The following SYN2 variants were observed in gnomAD, a reference collection of about 807,000 sequenced individuals.
SYN2 encodes synapsin II, also known as synapsin-2.
Under a neutral mutation model 50.9 loss-of-function variants are expected in SYN2, and 19 were observed. That is an observed-to-expected ratio of 0.37 (90% CI 0.26 to 0.55). The LOEUF (loss-of-function observed/expected upper bound fraction) is 0.55. Ranked by LOEUF, SYN2 falls within the 20% of genes least tolerant of loss-of-function variation. The pLI is 0.81. For synonymous variants in SYN2, 255 were observed against 224.9 expected, an observed-to-expected ratio of 1.13 and a Z score of -1.20; for missense variants, 587 against 576.4, an observed-to-expected ratio of 1.02 and a Z score of -0.19.
chr3:12,019,523 A>G (rs1694087524), intron 1 of SYN2, among the ~76,000 whole-genome samples: 1 of 152,158 alleles, frequency 6.6e-6, no homozygotes, highest in South Asian at 2.1e-4. Context: ...TGAAAAGTCT[A>G]CTCTTTGAAA....
In SYN2 at chr3:12,110,212, A is replaced by T. The variant is rs574949005; in HGVS notation, c.378-30439A>T. Among the ~76,000 whole-genome samples the T allele has an allele frequency of 8.5e-5, 13 of 152,292 alleles. No homozygotes were observed. In the South Asian group the frequency reaches 2.7e-3, roughly 32 times the overall value. Reference sequence around the variant, plus strand: ...AAAAACATAAAATGGTAATAATTGTAATACTTACTCTTAAAACTCCAAAAT... The same window carrying T: ...AAAAACATAAAATGGTAATAATTGTTATACTTACTCTTAAAACTCCAAAAT... On this transcript the variant is annotated intron_variant, in intron 1 of 12. Coordinates refer to ENST00000621198, the MANE Select transcript of SYN2 (RefSeq NM_133625.6).
chr3:12,050,959 T>C lies in SYN2; in HGVS notation c.377+46031T>C, dbSNP rs1006168223. On this transcript the variant is annotated intron_variant, in intron 1 of 12. Transcript: ENST00000621198. ...ACCTTGTTAGCCAGGATGGTCTCGA[T>C]CTCCTGACCTCATGATCCACCCGCC... Among the ~76,000 whole-genome samples the C allele has an allele frequency of 9.5e-5, 14 of 147,548 alleles. No homozygotes were observed. In the South Asian group the frequency reaches 3.0e-3, roughly 32 times the overall value.
intron 1 of SYN2, among the ~76,000 whole-genome samples, chr3:12,130,569 C>G (rs1696775014): frequency 6.6e-6 from 1 of 152,178 alleles, no homozygotes. Flanking sequence ...TCAGTCTACT[C>G]ATTCAAATGT....
chr3:12,049,922 GT>G (rs1354090537), intron 1 of SYN2, among the ~76,000 whole-genome samples: 2 of 152,126 alleles, frequency 1.3e-5, no homozygotes, highest in African/African-American at 2.4e-5. Flanking sequence ...AATCTCGACA[GT>G]TTTTGTTTGT....
chr3:12,048,467 C>T (rs192426900), intron 1 of SYN2, among the ~76,000 whole-genome samples: 338 of 152,334 alleles, frequency 2.2e-3, no homozygotes, highest in Non-Finnish European at 3.7e-3. Flanking sequence ...GGGTGACCCA[C>T]TGTGCCAGGC....
At chr3:12,130,182 G>A (rs1468674371) in intron 1 of SYN2, among the ~76,000 whole-genome samples, 5 of 151,156 alleles carry the variant, frequency 3.3e-5, no homozygotes, top group Non-Finnish European at 7.4e-5. Flanking sequence ...GTATACATAG[G>A]TATATGTGTG....
At chr3:12,116,489 A>G (rs1405004548) in intron 1 of SYN2, among the ~76,000 whole-genome samples, 2 of 152,202 alleles carry the variant, frequency 1.3e-5, no homozygotes, top group Non-Finnish European at 2.9e-5. Context: ...CTAGAGAGCT[A>G]TATCCTCAGA....
chr3:12,117,728 TCTC>T (rs752994281), intron 1 of SYN2, among the ~76,000 whole-genome samples: 2 of 152,200 alleles, frequency 1.3e-5, no homozygotes, highest in African/African-American at 2.4e-5. Flanking sequence ...TTTTAAATCT[TCTC>T]CTCTGTGTCT....
intron 5 of SYN2, chr3:12,158,761 C>A: frequency 6.2e-7 from 1 of 1,607,188 alleles, no homozygotes; most frequent in Non-Finnish European, 8.5e-7. Flanking sequence ...GCATGCCTCA[C>A]CCAGCCCCGG....
chr3:12,015,468 A>G (rs186118248), intron 1 of SYN2, among the ~76,000 whole-genome samples: 3 of 152,198 alleles, frequency 2.0e-5, no homozygotes, highest in Admixed American at 6.5e-5. Context: ...GAAAATATCA[A>G]TGATGAGCAA....
At chr3:12,125,399 T>A (rs1353975620) in intron 1 of SYN2, among the ~76,000 whole-genome samples, 1 of 152,202 alleles carries the variant, frequency 6.6e-6, no homozygotes, top group African/African-American at 2.4e-5. Flanking sequence ...ATTTATAACT[T>A]TGAAGAAATA....
At chr3:12,050,608 T>G (rs1352148503) in intron 1 of SYN2, among the ~76,000 whole-genome samples, 1 of 151,166 alleles carries the variant, frequency 6.6e-6, no homozygotes. Context: ...TCTCCCAAAG[T>G]GCTGGGATTA....
At position 12,096,964 on chromosome 3, in the gene SYN2, G is replaced by C. The variant is rs529278347; in HGVS notation, c.378-43687G>C. 1.7e-4 allele frequency among the ~76,000 whole-genome samples: 26 copies of C among 152,258 alleles called. 2 individuals carry two copies. Among genetic ancestry groups the C allele is most frequent in the African/African-American group, 6.0e-4 (25 of 41,558 alleles). On this transcript the variant is annotated intron_variant, in intron 1 of 12. Coordinates refer to ENST00000621198, the MANE Select transcript of SYN2 (RefSeq NM_133625.6). ...AGAAGGAGAAAGGAAAATAGGAGCA[G>C]AGAGAATATTTGAAGAAACAATGAC...
intron 7 of SYN2, among the ~76,000 whole-genome samples, chr3:12,166,929 T>G (rs1224692983): frequency 6.6e-6 from 1 of 152,134 alleles, no homozygotes; most frequent in Non-Finnish European, 1.5e-5. Flanking sequence ...AGATTGAAAA[T>G]CAGGCAGAAG....
At chr3:12,098,856 C>CATATAT (rs35420190) in intron 1 of SYN2, among the ~76,000 whole-genome samples, 12,685 of 133,338 alleles carry the variant, frequency 0.095, 757 homozygotes, top group African/African-American at 0.16. Flanking sequence ...AAAGCAAAAG[C>CATATAT]ATATATATAT....
chr3:12,020,987 C>A (rs966242412), intron 1 of SYN2, among the ~76,000 whole-genome samples: 1 of 152,144 alleles, frequency 6.6e-6, no homozygotes, highest in Non-Finnish European at 1.5e-5. Context: ...TTTTTGTATT[C>A]TCTTCTAATA....
chr3:12,007,933 C>G (rs543264854), intron 1 of SYN2, among the ~76,000 whole-genome samples: 2 of 152,060 alleles, frequency 1.3e-5, no homozygotes, highest in East Asian at 1.9e-4. Flanking sequence ...ACTAAAAGAT[C>G]GTTGAAAAAT....
rs775792604 is a variant in SYN2 at position 12,167,214 on chromosome 3, C to A, written c.981-20C>A. On this transcript the variant is annotated intron_variant, in intron 7 of 12. Coordinates refer to ENST00000621198, the MANE Select transcript of SYN2 (RefSeq NM_133625.6). ...GGTGTGGCTCACTGCCTGTCCTATC[C>A]TGGTGGGATCTTGTTGCAGGAGGAC... The A allele has an allele frequency of 6.2e-7, 1 of 1,610,372 alleles. No individual in the cohort carries two copies. Among genetic ancestry groups the A allele is most frequent in the East Asian group, 2.2e-5 (1 of 44,816 alleles).
chr3:12,154,223 G>A lies in SYN2; in HGVS notation c.774+2897G>A, dbSNP rs1697385733. The A allele has an allele frequency of 2.0e-6, 3 of 1,515,186 alleles. No individual in the cohort carries two copies. The South Asian group carries it at 3.6e-5, about 18-fold the overall frequency. 93.9% of individuals were successfully genotyped at this position (1,515,186 alleles called of 1,614,324 possible). On this transcript the variant is annotated intron_variant, in intron 5 of 12. Transcript: ENST00000621198. ...TTTCTCATCCCCAACTTCATACAGT[G>A]CAGATCTCAAGTATAGTCTAGTAAG...
Sources: gnomAD v4.1 joint callset for allele counts (sites outside exome capture counted in the v4.1 genomes callset) on GRCh38, gnomAD v4.1.1 for gene constraint, MANE v1.5 for transcripts, NCBI Gene and HGNC (gene_info 2026-07-23, HGNC 2026-07-21) for gene names.